PFKL: variants seen among roughly 807,000 people sequenced by gnomAD.
PFKL encodes ATP-dependent 6-phosphofructokinase, liver type.
PFKL carries 74 observed loss-of-function variants against 92.1 expected under a neutral mutation model. That is an observed-to-expected ratio of 0.80 (90% CI 0.67 to 0.97). The LOEUF is 0.97. Ranked by LOEUF, PFKL falls within the 50% of genes least tolerant of loss-of-function variation. PFKL has a pLI of 0.00. For missense variants in PFKL, 1,028 were observed against 1,116.6 expected (o/e 0.92, Z 1.13); for synonymous variants, 494 against 456.4 (o/e 1.08, Z -1.05).
intron 1 of PFKL, among the ~76,000 whole-genome samples, chr21:44,303,440 A>G (rs1568939613): frequency 1.2e-4 from 8 of 68,752 alleles, no homozygotes; most frequent in African/African-American, 7.0e-4. Context: ...GACCAAAAAA[A>G]AAAAAAAAAA....
At chr21:44,324,447 A>G (rs2047441078) in intron 16 of PFKL, 44 bp from the exon 17 acceptor site, 3 of 1,604,190 alleles carry the variant, frequency 1.9e-6, no homozygotes, top group Non-Finnish European at 2.6e-6. Flanking sequence ...CCTACAGGGA[A>G]GGGTGGGCAC....
intron 2 of PFKL, among the ~76,000 whole-genome samples, chr21:44,308,992 G>A (rs968375585): frequency 2.6e-5 from 4 of 152,160 alleles, no homozygotes; most frequent in Admixed American, 6.5e-5. Context: ...ACTCAGGGAG[G>A]GGACTGGCCG....
chr21:44,311,108 T>C, intron 3 of PFKL, 25 bp downstream of exon 3: 2 of 1,592,344 alleles, frequency 1.3e-6, no homozygotes, highest in Non-Finnish European at 1.7e-6. Flanking sequence ...CGCGGATGCA[T>C]GTTGCACTTG....
intron 19 of PFKL, 176 bp from the exon 20 acceptor site, chr21:44,325,785 G>A (rs1363322690): frequency 1.7e-6 from 1 of 597,238 alleles, no homozygotes; most frequent in Non-Finnish European, 3.0e-6. Context: ...CTTGGAGCTG[G>A]AGAGAGCAGG....
rs751950424 is a variant in PFKL at position 44,324,667 on chromosome 21, C to T, written c.1815+12C>T. Reference sequence around the variant, plus strand: ...TCCACGACTTAAAGGTGAGCCCAGCCCAGCCCCTGCTGCGGCAGACCTGCC... The same window carrying T: ...TCCACGACTTAAAGGTGAGCCCAGCTCAGCCCCTGCTGCGGCAGACCTGCC... On this transcript the variant is annotated intron_variant, in intron 17 of 21. Transcript: ENST00000349048. 18 of 1,572,412 alleles carry T rather than the reference C, an allele frequency of 1.1e-5. No individual in the cohort carries two copies. Among genetic ancestry groups the T allele is most frequent in the African/African-American group, 2.7e-5 (2 of 74,216 alleles).
At chr21:44,303,219 C>T (rs1188078893) in intron 1 of PFKL, among the ~76,000 whole-genome samples, 2 of 148,070 alleles carry the variant, frequency 1.4e-5, no homozygotes, top group Admixed American at 6.7e-5. Context: ...GGCGACAGAG[C>T]GAGACTCTGT....
chr21:44,303,187 C>A (rs556084329), intron 1 of PFKL, among the ~76,000 whole-genome samples: 9 of 151,522 alleles, frequency 5.9e-5, no homozygotes, highest in Non-Finnish European at 1.5e-5. Context: ...GAGCCGAGAT[C>A]GAGCCACGGC....
In PFKL at chr21:44,304,806, T is replaced by C. The variant is rs149912578; in HGVS notation, c.86-1875T>C. Among the ~76,000 whole-genome samples, 859 of 150,950 alleles carry C rather than the reference T, an allele frequency of 5.7e-3. 11 individuals carry two copies. The highest frequency in any genetic ancestry group is 0.02 in the African/African-American group (821 of 41,144). On this transcript the variant is annotated intron_variant, in intron 1 of 21. Coordinates refer to ENST00000349048, the MANE Select transcript of PFKL (RefSeq NM_002626.6). Reference sequence around the variant, plus strand: ...GTCTGTCTGTCTGGGGGGCTTGGCTTTCTGGGTGTGTGTGGGATGCTTGCT... The same window carrying C: ...GTCTGTCTGTCTGGGGGGCTTGGCTCTCTGGGTGTGTGTGGGATGCTTGCT...
At chr21:44,324,001 A>G in intron 16 of PFKL, 83 bp downstream of exon 16, 4 of 1,525,496 alleles carry the variant, frequency 2.6e-6, no homozygotes, top group Non-Finnish European at 1.8e-6. Flanking sequence ...TGGAGGGGAT[A>G]GTGTGTGGTG....
intron 16 of PFKL, among the ~76,000 whole-genome samples, chr21:44,324,194 A>G (rs888698227): frequency 2.0e-5 from 3 of 152,106 alleles, no homozygotes; most frequent in African/African-American, 7.2e-5. Flanking sequence ...TGGGTAGTCT[A>G]AGAGCAGCGC....
chr21:44,305,517 G>A, intron 1 of PFKL: 1 of 1,080,642 alleles, frequency 9.3e-7, no homozygotes, highest in Non-Finnish European at 1.2e-6. Flanking sequence ...GCTTAGGGAT[G>A]GATGGCATGG....
rs1047558495 is a variant in PFKL, at chr21:44,313,187, C to G, written c.593+44C>G. ...GGCGGCCAGCCCAGGGCCCCTCCTC[C>G]CCGCACGGTGGTGAGGTGGTCTCAG... On this transcript the variant is annotated intron_variant, in intron 5 of 21. Transcript: ENST00000349048. The G allele has an allele frequency of 1.9e-6, 3 of 1,599,166 alleles. No individual in the cohort carries two copies. The African/African-American group carries it at 4.0e-5, about 21-fold the overall frequency.
At chr21:44,304,568 G>C (rs1355634817) in intron 1 of PFKL, 1 of 1,113,114 alleles carries the variant, frequency 9.0e-7, no homozygotes. Context: ...CCCAACTCCA[G>C]TGAGGGTGGG....
chr21:44,321,961 A>T, intron 13 of PFKL, 86 bp downstream of exon 13: 1 of 1,493,796 alleles, frequency 6.7e-7, no homozygotes, highest in Non-Finnish European at 9.0e-7. Context: ...CGGCTGCTGG[A>T]GGTGGAGGCT....
At chr21:44,305,418 G>C in intron 1 of PFKL, 1 of 1,358,624 alleles carries the variant, frequency 7.4e-7, no homozygotes, top group Non-Finnish European at 9.8e-7. Flanking sequence ...CCCCCAGCAG[G>C]TCAGCACCTC....
At chr21:44,312,317 G>A (rs1212781246) in intron 4 of PFKL, 23 bp downstream of exon 4, 17 of 1,557,686 alleles carry the variant, frequency 1.1e-5, no homozygotes, top group African/African-American at 1.4e-5. Context: ...CCGGCGCACT[G>A]TAGGCCCTGG....
intron 15 of PFKL, 48 bp downstream of exon 15, chr21:44,323,097 A>G: frequency 4.8e-6 from 7 of 1,458,590 alleles, no homozygotes; most frequent in Non-Finnish European, 6.7e-6. Context: ...AGGAGACCCA[A>G]GGTGTCCTCC....
chr21:44,324,996 G>C, intron 18 of PFKL, 79 bp downstream of exon 18: 2 of 1,324,210 alleles, frequency 1.5e-6, no homozygotes, highest in South Asian at 1.2e-5. Context: ...GGAGCGGCTG[G>C]GCAGGAGAAG....
rs1298296032 is a variant in PFKL at position 44,323,888 on chromosome 21, C to G, written c.1620C>G (p.Gly540=). ...TCCCTGGCACCGACTTCAGCCTGGG[C>G]TCCGACACTGCTGTAAATGCCGCCA... The part of the protein sequence containing the change: ...NNVPGTDFSL[G]SDTAVNAAME... Residue 540 remains glycine, a synonymous_variant, in exon 16 of 22, where the codon GGC becomes GGG. Transcript: ENST00000349048. 6.2e-7 allele frequency: 1 copy of G among 1,613,442 alleles called. No individual in the cohort carries two copies. Among genetic ancestry groups the G allele is most frequent in the African/African-American group, 1.3e-5 (1 of 74,930 alleles).
Sources: gnomAD v4.1 joint callset for allele counts (sites outside exome capture counted in the v4.1 genomes callset) on GRCh38, gnomAD v4.1.1 for gene constraint, MANE v1.5 for transcripts, NCBI Gene and HGNC (gene_info 2026-07-23, HGNC 2026-07-21) for gene names.